RBFOX1: variants seen among roughly 807,000 people sequenced by gnomAD.
RBFOX1 encodes RNA binding protein fox-1 homolog 1.
RBFOX1 carries 8 observed loss-of-function variants against 57.7 expected under a neutral mutation model. That is an observed-to-expected ratio of 0.14 (90% CI 0.08 to 0.25). The LOEUF is 0.25. Among genes scored for constraint, RBFOX1 ranks in the 10% least tolerant of loss-of-function variants. The pLI, the probability that RBFOX1 is intolerant of heterozygous loss-of-function variation, is 1.00. For synonymous variants in RBFOX1, 326 were observed against 222.4 expected (o/e 1.47, Z -4.15); for missense variants, 611 against 548.5 (o/e 1.11, Z -1.14).
chr16:6,495,313 T>A (rs749347085), intron 2 of RBFOX1, among the ~76,000 whole-genome samples: 1 of 152,132 alleles, frequency 6.6e-6, no homozygotes, highest in Non-Finnish European at 1.5e-5. Flanking sequence ...GAGATGGGGT[T>A]TCACCATGTT....
At chr16:5,245,984 C>T (rs1337235215) in intron 1 of RBFOX1, among the ~76,000 whole-genome samples, 1 of 152,178 alleles carries the variant, frequency 6.6e-6, no homozygotes, top group Admixed American at 6.5e-5. Flanking sequence ...TGGCTCACAC[C>T]TGTAATACCA....
chr16:7,313,686 A>G (rs1029900755), intron 4 of RBFOX1, among the ~76,000 whole-genome samples: 1 of 135,420 alleles, frequency 7.4e-6, no homozygotes, highest in African/African-American at 2.8e-5. Flanking sequence ...GCACTTTTAC[A>G]TGGATTATCA....
chr16:6,007,407 A>G (rs1181402926), intron 4 of RBFOX1, among the ~76,000 whole-genome samples: 2 of 152,206 alleles, frequency 1.3e-5, no homozygotes, highest in African/African-American at 2.4e-5. Context: ...GAATCCTGCC[A>G]GTAGTCACAT....
intron 4 of RBFOX1, among the ~76,000 whole-genome samples, chr16:7,241,027 G>T (rs2881440): frequency 1.3e-5 from 2 of 151,948 alleles, no homozygotes; most frequent in Non-Finnish European, 2.9e-5. Context: ...TCTGGCTATC[G>T]TGAAAATTAA....
At chr16:7,506,271 G>C (rs991001301) in intron 4 of RBFOX1, among the ~76,000 whole-genome samples, 13 of 147,624 alleles carry the variant, frequency 8.8e-5, no homozygotes, top group Admixed American at 1.4e-4. Context: ...TTATCTAAAT[G>C]AGGTCAGATC....
At chr16:7,282,570 CCTG>C (rs2095567182) in intron 4 of RBFOX1, among the ~76,000 whole-genome samples, 1 of 145,620 alleles carries the variant, frequency 6.9e-6, no homozygotes, top group African/African-American at 2.6e-5. Context: ...TTTTTTTTTT[CCTG>C]TTATCGTTCT....
At chr16:7,690,858 A>G (rs1006618552) in intron 14 of RBFOX1, among the ~76,000 whole-genome samples, 1 of 152,130 alleles carries the variant, frequency 6.6e-6, no homozygotes, top group South Asian at 2.1e-4. Flanking sequence ...CATGGTGAAT[A>G]TAGACAGCAA....
chr16:5,870,621 C>CT (rs566925569), intron 4 of RBFOX1, among the ~76,000 whole-genome samples: 8,745 of 148,110 alleles, frequency 0.059, 304 homozygotes, highest in Admixed American at 0.095. Context: ...TTTTTTTAGT[C>CT]TTTTTTTTTT....
chr16:5,456,823 C>G (rs1363443351), intron 1 of RBFOX1, among the ~76,000 whole-genome samples: 2 of 152,150 alleles, frequency 1.3e-5, no homozygotes, highest in Non-Finnish European at 2.9e-5. Flanking sequence ...ACACCTAACC[C>G]CTTTCACATG....
chr16:6,673,153 C>A (rs189647931), intron 3 of RBFOX1, among the ~76,000 whole-genome samples: 49 of 152,310 alleles, frequency 3.2e-4, no homozygotes, highest in Non-Finnish European at 1.2e-4. Flanking sequence ...TCAGTGATGT[C>A]TACACTTCCC....
rs186551294 is a variant in RBFOX1, at chr16:5,397,485, C to T, written c.220-69731C>T. Among the ~76,000 whole-genome samples the T allele has an allele frequency of 1.5e-3, 225 of 152,316 alleles. 3 individuals are homozygous for T. Among genetic ancestry groups the T allele is most frequent in the African/African-American group, 5.0e-3 (206 of 41,560 alleles). On this transcript the variant is annotated intron_variant, in intron 1 of 2. Transcript: ENST00000585867. Reference sequence around the variant, plus strand: ...TGGTACTTGCCAAGTCTATGGACGGCGGAGTGTGCCATATCTGCAACCCCA... The same window carrying T: ...TGGTACTTGCCAAGTCTATGGACGGTGGAGTGTGCCATATCTGCAACCCCA...
chr16:6,087,627 C>T (rs957883964), intron 1 of RBFOX1, among the ~76,000 whole-genome samples: 2 of 151,852 alleles, frequency 1.3e-5, no homozygotes, highest in Non-Finnish European at 2.9e-5. Flanking sequence ...GCATAGGAAA[C>T]TCATTCCCCT....
At chr16:7,041,082 A>ATTTTTTTTTTTTTTTT (rs61569211) in intron 3 of RBFOX1, among the ~76,000 whole-genome samples, 2 of 109,310 alleles carry the variant, frequency 1.8e-5, no homozygotes, top group Non-Finnish European at 3.6e-5. Flanking sequence ...CGCCCAGCTA[A>ATTTTTTTTTTTTTTTT]TTTTTTTTTT....
At chr16:5,958,553 A>T (rs570129836) in intron 4 of RBFOX1, among the ~76,000 whole-genome samples, 1 of 152,340 alleles carries the variant, frequency 6.6e-6, no homozygotes, top group African/African-American at 2.4e-5. Flanking sequence ...AAGGGGGATG[A>T]TAAGAGCAGG....
At chr16:7,229,651 GAGGGAGGAAGGGCAA>G (rs1405800800) in intron 4 of RBFOX1, among the ~76,000 whole-genome samples, 18 of 111,798 alleles carry the variant, frequency 1.6e-4, no homozygotes, top group Non-Finnish European at 2.7e-4. Context: ...AAGGGAGAGA[GAGGGAGGAAGGGCAA>G]AGGAAGTAAG....
At chr16:7,237,299 G>C (rs1322391069) in intron 4 of RBFOX1, among the ~76,000 whole-genome samples, 2 of 152,154 alleles carry the variant, frequency 1.3e-5, no homozygotes, top group Non-Finnish European at 2.9e-5. Flanking sequence ...CTCCCTCCCT[G>C]TCTGCTGAGC....
chr16:6,335,156 G>A (rs1382093816), intron 2 of RBFOX1, among the ~76,000 whole-genome samples: 1 of 152,240 alleles, frequency 6.6e-6, no homozygotes, highest in Non-Finnish European at 1.5e-5. Flanking sequence ...ATTGGATTCT[G>A]TTGCAAATGA....
intron 3 of RBFOX1, among the ~76,000 whole-genome samples, chr16:7,010,372 C>G (rs562819396): frequency 2.4e-4 from 37 of 152,258 alleles, no homozygotes; most frequent in South Asian, 1.7e-3. Flanking sequence ...CAGACTCTTA[C>G]GCTAGGACAC....
At chr16:6,758,836 G>A (rs1332890232) in intron 3 of RBFOX1, among the ~76,000 whole-genome samples, 2 of 152,096 alleles carry the variant, frequency 1.3e-5, no homozygotes, top group African/African-American at 4.8e-5. Context: ...TTAACTCTGG[G>A]TAATGTGTTT....
Sources: allele counts gnomAD v4.1 joint callset (sites outside exome capture counted in the v4.1 genomes callset), GRCh38; gene constraint gnomAD v4.1.1; transcripts MANE v1.5; gene names NCBI Gene and HGNC (gene_info 2026-07-23, HGNC 2026-07-21).